Variants in LFNG observed in about 807,000 individuals in gnomAD.
LFNG encodes LFNG O-fucosylpeptide 3-beta-N-acetylglucosaminyltransferase.
In LFNG, 15 loss-of-function variants were observed where a neutral mutation model predicts 32.7. That is an observed-to-expected ratio of 0.46 (90% confidence interval 0.31 to 0.71). The LOEUF (loss-of-function observed/expected upper bound fraction) is 0.71, where lower values mean the gene tolerates loss of function less well. LFNG is among the 30% of genes least tolerant of loss of function. The pLI, the probability that LFNG is intolerant of heterozygous loss-of-function variation, is 0.06. For synonymous variants in LFNG, 274 were observed against 246.8 expected (o/e 1.11, Z -1.03); for missense variants, 520 against 545.7 (o/e 0.95, Z 0.47).
At chr7:2,525,185 T>C (rs1411662822) in intron 2 of LFNG, 34 bp from the exon 3 acceptor site, 1 of 1,588,350 alleles carries the variant, frequency 6.3e-7, no homozygotes, top group African/African-American at 1.3e-5. Context: ...GGGAGCCGGC[T>C]CAGACCTACT....
At chr7:2,519,627 C>T (rs995702646), upstream of LFNG, among the ~76,000 whole-genome samples, 53 of 150,000 alleles carry the variant, frequency 3.5e-4, no homozygotes, top group African/African-American at 1.3e-3. Context: ...GGGCAGTTCC[C>T]AGCCCCCAGC....
rs1292488477 is a variant in LFNG, at chr7:2,525,732, C to T, written c.783C>T (p.Ile261=). ...CCACGGGCGGCGCTGGCTTCTGCAT[C>T]AGCCGTGGGCTGGCTCTGAAGATGA... ...WFATGGAGFC[I]SRGLALKMSP... is the part of the protein sequence containing the mutation. The change falls in exon 5 of 8, where the codon ATC becomes ATT. Residue 261 remains isoleucine, a synonymous_variant. Coordinates refer to ENST00000222725, the MANE Select transcript of LFNG (RefSeq NM_001040167.2). The T allele has an allele frequency of 2.5e-6, 4 of 1,612,780 alleles. No individual in the cohort carries two copies. The highest frequency in any genetic ancestry group is 1.1e-5 in the South Asian group (1 of 91,078).
At chr7:2,514,671 C>T (rs978634340), upstream of LFNG, among the ~76,000 whole-genome samples, 8 of 151,054 alleles carry the variant, frequency 5.3e-5, no homozygotes, top group Non-Finnish European at 1.2e-4. Flanking sequence ...TCTGTCTGTC[C>T]TTTCACCTAT....
chr7:2,518,849 C>T (rs1013562367), upstream of LFNG, among the ~76,000 whole-genome samples: 1 of 152,070 alleles, frequency 6.6e-6, no homozygotes, highest in African/African-American at 2.4e-5. Context: ...TTCCGGGCCC[C>T]TCGCCCCTCA....
chr7:2,521,110 G>A (rs1381001208), intron 1 of LFNG, among the ~76,000 whole-genome samples: 5 of 152,222 alleles, frequency 3.3e-5, no homozygotes, highest in East Asian at 1.9e-4. Flanking sequence ...GACCCTGCAC[G>A]CCTTCCTCCC....
chr7:2,514,955 CATCCATCT>C (rs1339522282), upstream of LFNG, among the ~76,000 whole-genome samples: 1 of 151,922 alleles, frequency 6.6e-6, no homozygotes, highest in African/African-American at 2.4e-5. Flanking sequence ...TCTATCCATT[CATCCATCT>C]ATCCATCTGT....
At position 2,521,651 on chromosome 7, in the gene LFNG, C is replaced by A. The variant is rs1779796145; in HGVS notation, c.432+1358C>A. ...AGCCTTACTGCTATGTGATCTTGGG[C>A]ATCCTTCAGCCCCACTCTGGGCTAC... On this transcript the variant is annotated intron_variant, in intron 1 of 7. Coordinates refer to ENST00000222725, the MANE Select transcript of LFNG (RefSeq NM_001040167.2). Among the ~76,000 whole-genome samples the A allele has an allele frequency of 2.0e-5, 3 of 152,194 alleles. No individual in the cohort carries two copies. The South Asian group carries it at 6.2e-4, about 31-fold the overall frequency.
upstream of LFNG, among the ~76,000 whole-genome samples, chr7:2,519,611 C>T (rs866641009): frequency 2.0e-5 from 3 of 150,074 alleles, no homozygotes; most frequent in African/African-American, 4.9e-5. Context: ...GGCCGCTGCG[C>T]CCTCTGGGCA....
downstream of LFNG, chr7:2,529,158 G>T: frequency 3.2e-6 from 1 of 313,906 alleles, no homozygotes; most frequent in Non-Finnish European, 5.8e-6. This position sits in a 1 kb window ranked among gnomAD's most constrained non-coding sequence, Gnocchi z 4.2. Flanking sequence ...GCAGCTCTGC[G>T]GTGCTTTTCC....
At position 2,528,056 on chromosome 7, in the gene LFNG, T is replaced by A; in HGVS notation, c.*844T>A. ...GGATGGGTAAAAAGTAGGGTGTTCT[T>A]GTTTTTTGCTTGGGAGGGTGGGGGT... On this transcript the variant is annotated 3_prime_UTR_variant, in exon 8 of 8. Coordinates refer to ENST00000222725, the MANE Select transcript of LFNG (RefSeq NM_001040167.2). 1 of 828,274 alleles carries A rather than the reference T, an allele frequency of 1.2e-6. No individual in the cohort carries two copies. The highest frequency in any genetic ancestry group is 1.4e-6 in the Non-Finnish European group (1 of 698,798). 51.3% of individuals were successfully genotyped at this position (828,274 alleles called of 1,614,324 possible).
chr7:2,528,657 G>A (rs966071934), downstream of LFNG, among the ~76,000 whole-genome samples: 5 of 152,174 alleles, frequency 3.3e-5, no homozygotes, highest in Admixed American at 6.5e-5. Context: ...TCGCTGGAGC[G>A]TGAGCCCTGT....
upstream of LFNG, chr7:2,513,452 C>T (rs968310853): frequency 3.1e-5 from 35 of 1,122,638 alleles, no homozygotes; most frequent in Middle Eastern, 2.3e-4. Flanking sequence ...CCCATGGTAG[C>T]GATGGGGAGC....
At chr7:2,515,159 C>T (rs922852559), upstream of LFNG, among the ~76,000 whole-genome samples, 1 of 151,850 alleles carries the variant, frequency 6.6e-6, no homozygotes, top group Non-Finnish European at 1.5e-5. Context: ...CCTTTCCATC[C>T]ATCCATCTAT....
Position 2,520,227 on chromosome 7 carries a change from CA to C in LFNG, c.371del (p.Lys124SerfsTer21). ...ACGTCTTCATCGCTGTCAAGACCAC[CA>C]AAAAGTTCCACCGCGCGCGCCTCGA... ...RDVFIAVKTT[K>X]KFHRARLDLL... On this transcript the variant is annotated frameshift_variant, in exon 1 of 8. Coordinates refer to ENST00000222725, the MANE Select transcript of LFNG (RefSeq NM_001040167.2). LOFTEE classifies it high-confidence loss of function. This position sits in a 1 kb window ranked among gnomAD's most constrained non-coding sequence, Gnocchi z 5.0. 6.2e-7 allele frequency: 1 copy of C among 1,610,016 alleles called. No homozygotes were observed. The highest frequency in any genetic ancestry group is 8.5e-7 in the Non-Finnish European group (1 of 1,178,744).
chr7:2,527,082 T>A lies in LFNG; in HGVS notation c.1074-64T>A. On this transcript the variant is annotated intron_variant, in intron 7 of 7. Transcript: ENST00000222725. This position sits in a 1 kb window ranked among gnomAD's most constrained non-coding sequence, Gnocchi z 4.4. ...GGTGGGGCCGCCAGTGTTGTGGGAC[T>A]GCAAATGGGAGCTCAGCACCTGCCT... 1 of 1,540,596 alleles carries A rather than the reference T, an allele frequency of 6.5e-7. No homozygotes were observed.
At chr7:2,518,062 C>A, upstream of LFNG, 1 of 424,822 alleles carries the variant, frequency 2.4e-6, no homozygotes, top group Non-Finnish European at 3.5e-6. Flanking sequence ...AGCCTGAAGT[C>A]AGCGGTGTGA....
intron 1 of LFNG, among the ~76,000 whole-genome samples, chr7:2,522,572 G>A (rs56244936): frequency 0.086 from 13,013 of 151,580 alleles, 844 homozygotes; most frequent in Admixed American, 0.19. Flanking sequence ...GGTGTCCCCC[G>A]GCCCCCGCCC....
rs753715340 is a variant in LFNG, at chr7:2,520,501, C to T, written c.432+208C>T. 1.2e-4 allele frequency among the ~76,000 whole-genome samples: 18 copies of T among 152,232 alleles called. No homozygotes were observed. The highest frequency in any genetic ancestry group is 1.6e-4 in the Non-Finnish European group (11 of 68,046). On this transcript the variant is annotated intron_variant, in intron 1 of 7. Coordinates refer to ENST00000222725, the MANE Select transcript of LFNG (RefSeq NM_001040167.2). The surrounding 1 kb of genome is among the most constrained non-coding windows in gnomAD (Gnocchi z 5.0). ...AGTTGTGTTACTGTCCCCGGGGCCC[C>T]GCCTCCTGTCCAGCTCCAGAGTCCT...
At chr7:2,522,745 G>A (rs890133351) in intron 1 of LFNG, among the ~76,000 whole-genome samples, 13 of 152,222 alleles carry the variant, frequency 8.5e-5, no homozygotes, top group African/African-American at 3.1e-4. Flanking sequence ...GCACCTCTCT[G>A]GGCCTCAGTT....
Sources: allele counts gnomAD v4.1 joint callset (sites outside exome capture counted in the v4.1 genomes callset), GRCh38; gene constraint gnomAD v4.1.1; non-coding constraint Gnocchi (gnomAD v3.1); transcripts MANE v1.5; gene names NCBI Gene and HGNC (gene_info 2026-07-23, HGNC 2026-07-21).